NSUN3: variants seen among roughly 807,000 people sequenced by gnomAD.
The protein encoded by NSUN3 is NOP2/Sun RNA methyltransferase 3.
Under a neutral mutation model 36.8 loss-of-function variants are expected in NSUN3, and 24 were observed. The observed-to-expected ratio is 0.65, with a 90% CI of 0.47 to 0.92. NSUN3 has a LOEUF of 0.92. Among genes scored for constraint, NSUN3 ranks in the 40% least tolerant of loss-of-function variants. NSUN3 has a pLI of 0.00. For synonymous variants in NSUN3, 146 were observed against 145.2 expected (o/e 1.01, Z -0.04); for missense variants, 381 against 392.8 (o/e 0.97, Z 0.25).
intron 2 of NSUN3, chr3:94,081,601 TC>T (rs2077269362): frequency 6.6e-6 from 1 of 152,210 alleles, no homozygotes; most frequent in South Asian, 2.1e-4. Flanking sequence ...TCTCATTTCT[TC>T]CTACAGATAA....
intron 5 of NSUN3, among the ~76,000 whole-genome samples, chr3:94,118,594 A>G (rs2077449601): frequency 6.6e-6 from 1 of 152,152 alleles, no homozygotes; most frequent in South Asian, 2.1e-4. Flanking sequence ...TCAGGAGCCA[A>G]GGGGCCATAG....
chr3:94,112,193 G>A (rs1333288992), intron 5 of NSUN3, among the ~76,000 whole-genome samples: 1 of 152,174 alleles, frequency 6.6e-6, no homozygotes, highest in Non-Finnish European at 1.5e-5. Flanking sequence ...CAATTCAGAT[G>A]TTACTGTCAT....
intron 3 of NSUN3, among the ~76,000 whole-genome samples, chr3:94,092,239 T>C (rs1321805164): frequency 6.6e-6 from 1 of 152,156 alleles, no homozygotes; most frequent in African/African-American, 2.4e-5. Flanking sequence ...AACCTCCAGT[T>C]CCTGAGAAGG....
At chr3:94,124,148 C>CTTT (rs58987431) in intron 5 of NSUN3, among the ~76,000 whole-genome samples, 74 of 88,162 alleles carry the variant, frequency 8.4e-4, no homozygotes, top group Non-Finnish European at 9.8e-4. Context: ...TATTTTATTT[C>CTTT]TTTTTTTTTT....
chr3:94,071,471 G>C (rs2077224565), intron 2 of NSUN3, among the ~76,000 whole-genome samples: 1 of 152,112 alleles, frequency 6.6e-6, no homozygotes, highest in African/African-American at 2.4e-5. Flanking sequence ...GGATGATGAT[G>C]GGTATCAAAA....
chr3:94,080,949 G>T (rs1027733223), intron 2 of NSUN3, among the ~76,000 whole-genome samples: 4 of 152,198 alleles, frequency 2.6e-5, no homozygotes, highest in Non-Finnish European at 5.9e-5. Context: ...AGGCGCCACT[G>T]GGGTATGGAA....
intron 2 of NSUN3, among the ~76,000 whole-genome samples, chr3:94,068,601 C>T (rs374900315): frequency 6.6e-6 from 1 of 151,976 alleles, no homozygotes; most frequent in Non-Finnish European, 1.5e-5. Flanking sequence ...TTAATGGATA[C>T]TTAATAAATG....
intron 5 of NSUN3, among the ~76,000 whole-genome samples, chr3:94,110,660 G>A (rs1244935781): frequency 6.6e-6 from 1 of 151,732 alleles, no homozygotes; most frequent in Non-Finnish European, 1.5e-5. Context: ...TTTATTAAAT[G>A]TTTTGGCATG....
intron 1 of NSUN3, 67 bp from the exon 2 acceptor site, chr3:94,064,370 G>A (rs899115702): frequency 8.6e-6 from 8 of 932,528 alleles, no homozygotes; most frequent in African/African-American, 8.2e-5. Flanking sequence ...AAAAGACCTT[G>A]CTAATGTTGA....
rs1050163143 is a variant in NSUN3 at position 94,130,102 on chromosome 3, A to C, written c.*3612A>C. On this transcript the variant is annotated 3_prime_UTR_variant, in exon 6 of 6. Coordinates refer to ENST00000314622, the MANE Select transcript of NSUN3 (RefSeq NM_022072.5). Reference sequence around the variant, plus strand: ...TAAAACAAACTCAGGAATAAGTATTATAACCCCCTTTTGTGAATGAGAAAA... The same window carrying C: ...TAAAACAAACTCAGGAATAAGTATTCTAACCCCCTTTTGTGAATGAGAAAA... Among the ~76,000 whole-genome samples the C allele has an allele frequency of 6.6e-6, 1 of 152,172 alleles. No homozygotes were observed. Among genetic ancestry groups the C allele is most frequent in the African/African-American group, 2.4e-5 (1 of 41,440 alleles).
At chr3:94,077,676 T>C (rs186774123) in intron 2 of NSUN3, among the ~76,000 whole-genome samples, 148 of 152,352 alleles carry the variant, frequency 9.7e-4, no homozygotes, top group African/African-American at 3.2e-3. Flanking sequence ...GGAGGTTGTA[T>C]GTGTCCAGGA....
At chr3:94,111,106 C>A (rs1422333555) in intron 5 of NSUN3, among the ~76,000 whole-genome samples, 1 of 152,106 alleles carries the variant, frequency 6.6e-6, no homozygotes, top group Non-Finnish European at 1.5e-5. Flanking sequence ...TAAACCTGTA[C>A]AACAAGTTAC....
intron 2 of NSUN3, among the ~76,000 whole-genome samples, chr3:94,065,869 G>A (rs1208326478): frequency 6.6e-6 from 1 of 152,140 alleles, no homozygotes; most frequent in African/African-American, 2.4e-5. Flanking sequence ...CTTATTGCAT[G>A]TTTACTATAT....
intron 3 of NSUN3, among the ~76,000 whole-genome samples, chr3:94,087,854 A>T (rs1372164442): frequency 1.3e-5 from 2 of 152,092 alleles, no homozygotes; most frequent in Non-Finnish European, 2.9e-5. Context: ...TTTTTTGTAG[A>T]GATGGGGTTT....
rs1047062033 is a variant in NSUN3, at chr3:94,064,404, C to G, written c.13-33C>G. The G allele has an allele frequency of 5.4e-6, 7 of 1,302,248 alleles. No individual in the cohort carries two copies. In the African/African-American group the frequency reaches 7.3e-5, roughly 14 times the overall value. The allele number at this position is 1,302,248 out of a possible 1,614,324, so 80.7% of individuals were successfully genotyped here. A position where few individuals can be genotyped will look rare whatever the true frequency, so the allele number is the denominator to read the frequency against. On this transcript the variant is annotated intron_variant, in intron 1 of 5. Transcript: ENST00000314622. ...GACGTTCAGTAAATTTGTAATATCA[C>G]TGTGTGTCAGCAACTTTTTCTTATC...
intron 2 of NSUN3, among the ~76,000 whole-genome samples, chr3:94,069,034 A>C (rs916028811): frequency 2.0e-5 from 3 of 152,194 alleles, no homozygotes; most frequent in African/African-American, 7.2e-5. Context: ...AGTTGTGGCA[A>C]ATTCAGTCCT....
At chr3:94,079,661 T>C (rs2077260255) in intron 2 of NSUN3, among the ~76,000 whole-genome samples, 1 of 152,214 alleles carries the variant, frequency 6.6e-6, no homozygotes, top group South Asian at 2.1e-4. Context: ...GTCTTCTCAC[T>C]TTATTTCATT....
chr3:94,084,492 C>T, intron 3 of NSUN3, 42 bp downstream of exon 3: 1 of 1,419,600 alleles, frequency 7.0e-7, no homozygotes, highest in East Asian at 2.3e-5. Context: ...TTTTTAATAT[C>T]TGTATGTTAT....
At position 94,126,447 on chromosome 3, in the gene NSUN3, A is replaced by G. The variant is rs1178920457; in HGVS notation, c.980A>G (p.Tyr327Cys). 1.9e-6 allele frequency: 3 copies of G among 1,611,824 alleles called. No homozygotes were observed. Among genetic ancestry groups the G allele is most frequent in the South Asian group, 1.1e-5 (1 of 91,038 alleles). Residue 327 changes from tyrosine to cysteine, a missense_variant, in exon 6 of 6, where the codon TAT becomes TGT. Transcript: ENST00000314622. ...PDKGKAWGPM[Y>C]VAKLKKSWST... is the part of the protein sequence containing the mutation. Reference sequence around the variant, plus strand: ...AAGGGCAAAGCCTGGGGCCCAATGTATGTAGCCAAATTGAAGAAATCATGG... The same window carrying G: ...AAGGGCAAAGCCTGGGGCCCAATGTGTGTAGCCAAATTGAAGAAATCATGG...
Sources: gnomAD v4.1 joint callset for allele counts (sites outside exome capture counted in the v4.1 genomes callset) on GRCh38, gnomAD v4.1.1 for gene constraint, MANE v1.5 for transcripts, NCBI Gene and HGNC (gene_info 2026-07-23, HGNC 2026-07-21) for gene names.